FKBP9: variants seen among roughly 807,000 people sequenced by gnomAD.
FKBP9 encodes the protein FKBP prolyl isomerase 9, also known as peptidyl-prolyl cis-trans isomerase FKBP9.
In FKBP9, 27 loss-of-function variants were observed where a neutral mutation model predicts 55.6. The observed-to-expected ratio is 0.49, with a 90% CI of 0.36 to 0.67. FKBP9 has a LOEUF of 0.67. Ranked by LOEUF, FKBP9 falls within the 30% of genes least tolerant of loss-of-function variation. The pLI is 0.00. For synonymous variants in FKBP9, 267 were observed against 296.5 expected, an observed-to-expected ratio of 0.90 and a Z score of 1.02; for missense variants, 539 against 742.8, an observed-to-expected ratio of 0.73 and a Z score of 3.19.
At chr7:32,968,575 C>CTT (rs571695241) in intron 1 of FKBP9, among the ~76,000 whole-genome samples, 69 of 142,538 alleles carry the variant, frequency 4.8e-4, no homozygotes, top group Admixed American at 2.0e-3. Context: ...CTTTTTCTTT[C>CTT]TTTTTTTTTT....
At position 33,006,374 on chromosome 7, in the gene FKBP9, A is replaced by G. The variant is rs1212182690; in HGVS notation, c.*1023A>G. ...CGTGATCCGCCCACCTTGGCCTCCC[A>G]AAGTGTTGGGATTACAGGCGTGACT... On this transcript the variant is annotated 3_prime_UTR_variant, in exon 10 of 10. Transcript: ENST00000242209. 1.0e-5 allele frequency: 2 copies of G among 199,934 alleles called. No individual in the cohort carries two copies. The highest frequency in any genetic ancestry group is 2.1e-5 in the Non-Finnish European group (2 of 96,908). The allele number at this position is 199,934 out of a possible 1,614,324, so 12.4% of individuals were successfully genotyped here. A position where few individuals can be genotyped will look rare whatever the true frequency, so the allele number is the denominator to read the frequency against.
At chr7:33,001,639 A>G (rs1045292411) in intron 8 of FKBP9, among the ~76,000 whole-genome samples, 1 of 151,932 alleles carries the variant, frequency 6.6e-6, no homozygotes, top group Non-Finnish European at 1.5e-5. Flanking sequence ...TAGATAAAAT[A>G]TAATAATTTG....
At chr7:32,996,665 C>G (rs1323782527) in intron 7 of FKBP9, among the ~76,000 whole-genome samples, 6 of 137,218 alleles carry the variant, frequency 4.4e-5, no homozygotes, top group African/African-American at 1.4e-4. Context: ...TTCCTTGCTC[C>G]CTCCCTCCCT....
rs1341575498 is a variant in FKBP9 at position 32,957,692 on chromosome 7, G to A, written c.119G>A (p.Arg40Gln). 3 of 1,534,732 alleles carry A rather than the reference G, an allele frequency of 2.0e-6. No individual in the cohort carries two copies. Among genetic ancestry groups the A allele is most frequent in the South Asian group, 1.2e-5 (1 of 83,172 alleles). ...TCCGACGCGGAGCTGCAGATCGAGCGGCGCTTCGTGCCCGACGAGTGCCCG... is the reference window on the plus strand; with the variant it reads ...TCCGACGCGGAGCTGCAGATCGAGCAGCGCTTCGTGCCCGACGAGTGCCCG... ...LGSDAELQIE[R>Q]RFVPDECPRT... The change falls in exon 1 of 10, where the codon CGG (arginine) becomes CAG (glutamine). Residue 40 changes from arginine to glutamine, a missense_variant. Arg to Gln is a conservative substitution (Grantham distance 43, BLOSUM62 1). Around this residue, in one of 4 missense-constraint regions of FKBP9, gnomAD observed 236 missense variants for 271.5 expected, o/e 0.87. Transcript: ENST00000242209.
chr7:32,958,429 A>C (rs571015212), intron 1 of FKBP9, among the ~76,000 whole-genome samples: 43 of 152,340 alleles, frequency 2.8e-4, no homozygotes, highest in African/African-American at 9.6e-4. Context: ...TAAACAATGG[A>C]GTCAGATTGT....
chr7:32,998,532 C>T (rs1434224268), intron 7 of FKBP9: 2 of 152,168 alleles, frequency 1.3e-5, no homozygotes, highest in Non-Finnish European at 2.9e-5. Flanking sequence ...CTCTGAGAGC[C>T]TCTGTATTAC....
At chr7:32,997,081 T>A (rs1240336210) in intron 7 of FKBP9, among the ~76,000 whole-genome samples, 1 of 151,184 alleles carries the variant, frequency 6.6e-6, no homozygotes. Context: ...GGCGTGAGCC[T>A]CCGCGCCCGG....
At chr7:32,957,863 C>A in intron 1 of FKBP9, 69 bp downstream of exon 1, 2 of 1,201,676 alleles carry the variant, frequency 1.7e-6, no homozygotes, top group Non-Finnish European at 1.1e-6. Context: ...AGGCCTTTCC[C>A]TCCTGCCGGA....
At chr7:32,996,698 T>TTCTCTTTC (rs1333407319) in intron 7 of FKBP9, among the ~76,000 whole-genome samples, 2 of 140,524 alleles carry the variant, frequency 1.4e-5, no homozygotes, top group East Asian at 2.2e-4. Context: ...TTTCCTTTCT[T>TTCTCTTTC]TCTCTTTCTC....
chr7:32,971,409 A>G (rs948130044), intron 1 of FKBP9, among the ~76,000 whole-genome samples: 18 of 152,164 alleles, frequency 1.2e-4, no homozygotes, highest in Admixed American at 7.9e-4. Context: ...ACATCAAATG[A>G]AGAAGTTAAT....
At chr7:32,980,865 G>A (rs554530726) in intron 5 of FKBP9, among the ~76,000 whole-genome samples, 68 of 151,864 alleles carry the variant, frequency 4.5e-4, no homozygotes, top group African/African-American at 1.6e-3. Flanking sequence ...CTCCTTAGTA[G>A]CTAGGACGAT....
At chr7:33,003,297 C>T (rs1185407909) in intron 9 of FKBP9, among the ~76,000 whole-genome samples, 1 of 152,162 alleles carries the variant, frequency 6.6e-6, no homozygotes, top group African/African-American at 2.4e-5. Flanking sequence ...TCTGTCCCAC[C>T]CCTGGGGAAT....
chr7:32,986,999 A>G (rs929082910), intron 5 of FKBP9, among the ~76,000 whole-genome samples: 5 of 152,192 alleles, frequency 3.3e-5, no homozygotes, highest in African/African-American at 1.2e-4. Context: ...ACTCATGGTA[A>G]TAGAATCACT....
At position 32,978,555 on chromosome 7, in the gene FKBP9, G is replaced by A. The variant is rs55818420; in HGVS notation, c.704-1809G>A. On this transcript the variant is annotated intron_variant, in intron 4 of 9. Coordinates refer to ENST00000242209, the MANE Select transcript of FKBP9 (RefSeq NM_007270.5). ...AAAGTTTTTTTAGAGACAGTGTCTC[G>A]CTACGTTACCCAGGCTTACCTGGAA... Among the ~76,000 whole-genome samples, 183 of 152,032 alleles carry A rather than the reference G, an allele frequency of 1.2e-3. 3 individuals carry two copies. In the East Asian group the frequency reaches 0.032, roughly 26 times the overall value.
Position 32,969,495 on chromosome 7 carries a change from C to T in FKBP9, c.222-5122C>T, listed in dbSNP as rs546885269. On this transcript the variant is annotated intron_variant, in intron 1 of 9. Coordinates refer to ENST00000242209, the MANE Select transcript of FKBP9 (RefSeq NM_007270.5). ...TTATTGAAGAGACCATCCTTACCCACTGTGTAGCCTTAGCCCTTGTCAAAG... is the reference window on the plus strand; with the variant it reads ...TTATTGAAGAGACCATCCTTACCCATTGTGTAGCCTTAGCCCTTGTCAAAG... Among the ~76,000 whole-genome samples, 263 of 152,292 alleles carry T rather than the reference C, an allele frequency of 1.7e-3. 1 individual carries two copies. Among genetic ancestry groups the T allele is most frequent in the African/African-American group, 6.0e-3 (248 of 41,560 alleles).
rs765630210 is a variant in FKBP9 at position 32,988,498 on chromosome 7, C to A, written c.894-9C>A. ...GAATGACCTCTTTCTTTCCTTTCTT[C>A]TTTTCTAGCTACTCTCGGAACCGCA... is the stretch of plus-strand genomic sequence containing the variant. On this transcript the variant is annotated splice_polypyrimidine_tract_variant and intron_variant, in intron 5 of 9. Transcript: ENST00000242209. 6.2e-7 allele frequency: 1 copy of A among 1,613,740 alleles called. No homozygotes were observed. The highest frequency in any genetic ancestry group is 1.1e-5 in the South Asian group (1 of 91,064).
chr7:32,975,448 A>T, intron 3 of FKBP9, 77 bp downstream of exon 3: 1 of 1,187,140 alleles, frequency 8.4e-7, no homozygotes, highest in East Asian at 2.4e-5. Context: ...CTTGCTTTTT[A>T]TGCTGATGGG....
rs377425217 is a variant in FKBP9, at chr7:33,000,845, A to G, written c.1372+585A>G. Among the ~76,000 whole-genome samples the G allele has an allele frequency of 4.6e-4, 70 of 152,012 alleles. 2 individuals are homozygous for G. In the East Asian group the frequency reaches 5.8e-3, roughly 13 times the overall value. On this transcript the variant is annotated intron_variant, in intron 8 of 9. Coordinates refer to ENST00000242209, the MANE Select transcript of FKBP9 (RefSeq NM_007270.5). ...ACCCAGGCTGGAGTGCAGTGGCACC[A>G]TCATGGCTAACTGCAGCCTTGAACT...
intron 6 of FKBP9, chr7:32,992,810 A>C (rs1784710831): frequency 4.4e-6 from 1 of 227,666 alleles, no homozygotes; most frequent in African/African-American, 2.2e-5. Flanking sequence ...ATTCAGCAGA[A>C]AGAAACACAA....
Sources: allele counts gnomAD v4.1 joint callset (sites outside exome capture counted in the v4.1 genomes callset), GRCh38; gene constraint gnomAD v4.1.1; regional missense constraint gnomAD v4.1.1; transcripts MANE v1.5; gene names NCBI Gene and HGNC (gene_info 2026-07-23, HGNC 2026-07-21).